The following LRP1B variants were observed in gnomAD, a reference collection of about 807,000 sequenced individuals.
LRP1B encodes the protein LDL receptor related protein 1B, also known as low-density lipoprotein receptor-related protein 1B.
A neutral mutation model predicts 556.6 loss-of-function variants in LRP1B; 217 were observed. The ratio of observed to expected loss-of-function variants is 0.39; its 90% CI spans 0.35 to 0.44. LRP1B has a LOEUF of 0.44. Among genes scored for constraint, LRP1B ranks in the 20% least tolerant of loss-of-function variants. The pLI is 1.00. For missense variants in LRP1B, 5,053 were observed against 5,620.8 expected, an observed-to-expected ratio of 0.90 and a Z score of 3.23; for synonymous variants, 2,047 against 1,865.8, an observed-to-expected ratio of 1.10 and a Z score of -2.50.
chr2:141,561,911 C>A (rs1212686842), intron 2 of LRP1B, among the ~76,000 whole-genome samples: 1 of 151,708 alleles, frequency 6.6e-6, no homozygotes, highest in Non-Finnish European at 1.5e-5. Flanking sequence ...ATTTCCAGAA[C>A]AGATTGCCAA....
chr2:141,901,925 G>A (rs1156491986), intron 1 of LRP1B, among the ~76,000 whole-genome samples: 1 of 146,780 alleles, frequency 6.8e-6, no homozygotes, highest in Non-Finnish European at 1.5e-5. Context: ...ATGTGTATGT[G>A]ATTGGAAATG....
intron 3 of LRP1B, among the ~76,000 whole-genome samples, chr2:141,373,711 C>A (rs1689324190): frequency 6.6e-6 from 1 of 151,772 alleles, no homozygotes; most frequent in Non-Finnish European, 1.5e-5. Context: ...TATGTCCAGT[C>A]TATATGTGTC....
At chr2:140,811,527 C>G (rs765017406) in intron 32 of LRP1B, among the ~76,000 whole-genome samples, 1 of 152,140 alleles carries the variant, frequency 6.6e-6, no homozygotes, top group Non-Finnish European at 1.5e-5. Flanking sequence ...CACCTTTCCT[C>G]TAATTTACTG....
chr2:141,282,365 G>T (rs889074791), intron 3 of LRP1B, among the ~76,000 whole-genome samples: 4 of 151,358 alleles, frequency 2.6e-5, no homozygotes, highest in African/African-American at 9.7e-5. Flanking sequence ...AGCAGAAATA[G>T]GACTGATGGC....
At chr2:140,847,308 C>A (rs1199204159) in intron 29 of LRP1B, among the ~76,000 whole-genome samples, 1 of 152,154 alleles carries the variant, frequency 6.6e-6, no homozygotes, top group Non-Finnish European at 1.5e-5. Flanking sequence ...TTCCTTAATT[C>A]CCATTATTTT....
At chr2:140,640,001 G>T (rs888443710) in intron 41 of LRP1B, among the ~76,000 whole-genome samples, 1 of 151,810 alleles carries the variant, frequency 6.6e-6, no homozygotes, top group South Asian at 2.1e-4. Context: ...ATTGTTTTTT[G>T]TTTGTTTGTT....
intron 9 of LRP1B, among the ~76,000 whole-genome samples, chr2:141,058,295 GT>G (rs1427788532): frequency 1.3e-5 from 2 of 151,832 alleles, no homozygotes; most frequent in Non-Finnish European, 2.9e-5. Context: ...ATAAAATACA[GT>G]AAAAATTTTT....
intron 41 of LRP1B, among the ~76,000 whole-genome samples, chr2:140,618,576 T>A (rs1683337295): frequency 6.6e-6 from 1 of 152,116 alleles, no homozygotes; most frequent in Non-Finnish European, 1.5e-5. Context: ...CTTCATGCCA[T>A]GCCAGAACAA....
intron 29 of LRP1B, among the ~76,000 whole-genome samples, chr2:140,845,342 C>A (rs1692242062): frequency 6.6e-6 from 1 of 152,034 alleles, no homozygotes; most frequent in Non-Finnish European, 1.5e-5. Context: ...GTCCTAACTG[C>A]AAAACCAAAG....
chr2:140,409,125 A>C (rs1356588443), intron 66 of LRP1B, among the ~76,000 whole-genome samples: 1 of 152,030 alleles, frequency 6.6e-6, no homozygotes, highest in African/African-American at 2.4e-5. Flanking sequence ...GGATTACAAC[A>C]TAGAGAAATC....
chr2:141,322,551 T>G (rs958742506), intron 3 of LRP1B, among the ~76,000 whole-genome samples: 3 of 152,050 alleles, frequency 2.0e-5, no homozygotes, highest in Admixed American at 6.6e-5. Context: ...GGGTGATTCT[T>G]GAATCAATAT....
chr2:141,375,152 T>C (rs1363681260), intron 3 of LRP1B, among the ~76,000 whole-genome samples: 3 of 152,144 alleles, frequency 2.0e-5, no homozygotes, highest in Admixed American at 2.0e-4. Context: ...CATAGGTCAG[T>C]AGTGTCTGTG....
intron 1 of LRP1B, among the ~76,000 whole-genome samples, chr2:141,842,571 AAT>A (rs988462633): frequency 6.6e-6 from 1 of 152,116 alleles, no homozygotes; most frequent in Non-Finnish European, 1.5e-5. Flanking sequence ...CCTGACACAA[AAT>A]AGTGTTAAAT....
intron 1 of LRP1B, among the ~76,000 whole-genome samples, chr2:142,089,232 T>TTTA (rs76732906): frequency 0.92 from 139,056 of 151,946 alleles, 63,671 homozygotes; most frequent in East Asian, 1. Flanking sequence ...TCTGCAACTA[T>TTTA]TTAAGAATCT....
intron 2 of LRP1B, among the ~76,000 whole-genome samples, chr2:141,729,257 A>T (rs1693171148): frequency 6.6e-6 from 1 of 152,126 alleles, no homozygotes; most frequent in Non-Finnish European, 1.5e-5. Context: ...CATCAGCCAG[A>T]CACAGTGATA....
At position 140,600,306 on chromosome 2, in the gene LRP1B, T is replaced by G. The variant is rs568930361; in HGVS notation, c.6989+1144A>C. ...AATGCAGCTGAGTCAGCAAACCGTA[T>G]TCTCATAGGACAGTGGTGGGAGCAG... On this transcript the variant is annotated intron_variant, in intron 42 of 90. Transcript: ENST00000389484. 3.9e-5 allele frequency among the ~76,000 whole-genome samples: 6 copies of G among 152,210 alleles called. 1 individual carries two copies. Among genetic ancestry groups the G allele is most frequent in the African/African-American group, 1.4e-4 (6 of 41,538 alleles).
At chr2:140,817,633 A>G (rs1238342558) in intron 31 of LRP1B, among the ~76,000 whole-genome samples, 1 of 151,972 alleles carries the variant, frequency 6.6e-6, no homozygotes, top group Non-Finnish European at 1.5e-5. Context: ...TTACCTACAT[A>G]CAGTATTTCA....
At chr2:140,957,363 G>A (rs1252877758) in intron 18 of LRP1B, among the ~76,000 whole-genome samples, 1 of 151,428 alleles carries the variant, frequency 6.6e-6, no homozygotes, top group Non-Finnish European at 1.5e-5. Context: ...ATTTTAGAAA[G>A]GTTGCAATAA....
chr2:141,556,905 G>C (rs1008309529), intron 2 of LRP1B, among the ~76,000 whole-genome samples: 1 of 151,712 alleles, frequency 6.6e-6, no homozygotes, highest in Non-Finnish European at 1.5e-5. Flanking sequence ...CTAAGCTTCA[G>C]ATCTACTCTA....
Sources: allele counts gnomAD v4.1 joint callset (sites outside exome capture counted in the v4.1 genomes callset), GRCh38; gene constraint gnomAD v4.1.1; transcripts MANE v1.5; gene names NCBI Gene and HGNC (gene_info 2026-07-23, HGNC 2026-07-21).